The following AASDH variants were observed in gnomAD, a reference collection of about 807,000 sequenced individuals.
The protein encoded by AASDH is beta-alanine-activating enzyme.
AASDH carries 81 observed loss-of-function variants against 102.3 expected under a neutral mutation model. That is an observed-to-expected ratio of 0.79 (90% confidence interval 0.66 to 0.95). The LOEUF (loss-of-function observed/expected upper bound fraction) is 0.95. AASDH is among the 40% of genes least tolerant of loss of function. The pLI is 0.00. For synonymous variants in AASDH, 398 were observed against 454.0 expected, an observed-to-expected ratio of 0.88 and a Z score of 1.57; for missense variants, 1,203 against 1,266.2, an observed-to-expected ratio of 0.95 and a Z score of 0.76.
chr4:56,343,102 T>C, intron 13 of AASDH, 136 bp from the exon 14 acceptor site: 1 of 779,760 alleles, frequency 1.3e-6, no homozygotes, highest in Non-Finnish European at 1.8e-6. Context: ...CAGACATAAA[T>C]GAAGCTGGTA....
At chr4:56,344,968 G>T (rs1748153397) in intron 12 of AASDH, among the ~76,000 whole-genome samples, 159 bp downstream of exon 12, 1 of 138,466 alleles carries the variant, frequency 7.2e-6, no homozygotes, top group African/African-American at 2.7e-5. Context: ...TTGAGATAGA[G>T]TCTCACTCTG....
At chr4:56,369,889 G>A (rs1166234136) in intron 5 of AASDH, among the ~76,000 whole-genome samples, 6 of 150,386 alleles carry the variant, frequency 4.0e-5, no homozygotes, top group East Asian at 2.0e-4. Flanking sequence ...GCAGTGAGCC[G>A]AGGTCATACC....
chr4:56,342,393 A>ATATCACAT (rs956843909), intron 14 of AASDH, among the ~76,000 whole-genome samples: 13 of 152,314 alleles, frequency 8.5e-5, no homozygotes, highest in African/African-American at 3.1e-4. Context: ...TTGTAACAAA[A>ATATCACAT]TATCACATAC....
chr4:56,345,376 A>T, intron 11 of AASDH, 86 bp from the exon 12 acceptor site: 2 of 1,292,596 alleles, frequency 1.5e-6, no homozygotes, highest in Non-Finnish European at 2.1e-6. Flanking sequence ...ATTTATATTC[A>T]GTCCTCCTCT....
intron 9 of AASDH, 89 bp downstream of exon 9, chr4:56,353,315 A>C: frequency 8.9e-7 from 1 of 1,118,046 alleles, no homozygotes; most frequent in Non-Finnish European, 1.2e-6. Context: ...ACCATTTATA[A>C]AAATAAAGAT....
At chr4:56,371,325 G>T in intron 5 of AASDH, 126 bp downstream of exon 5, 1 of 951,438 alleles carries the variant, frequency 1.1e-6, no homozygotes. Flanking sequence ...TGAGGAGACG[G>T]CCCTTGATAA....
chr4:56,380,417 A>T (rs1197812488), intron 3 of AASDH, among the ~76,000 whole-genome samples: 1 of 152,216 alleles, frequency 6.6e-6, no homozygotes, highest in Non-Finnish European at 1.5e-5. Flanking sequence ...AAAGGTCACA[A>T]CCCAGAAGCC....
intron 4 of AASDH, 149 bp downstream of exon 4, chr4:56,377,999 T>C (rs1752545415): frequency 2.7e-6 from 2 of 730,344 alleles, no homozygotes; most frequent in Non-Finnish European, 4.3e-6. Context: ...TAGAGACAGC[T>C]TTCACCATGT....
At chr4:56,344,043 A>G (rs1748034778) in intron 12 of AASDH, among the ~76,000 whole-genome samples, 1 of 152,218 alleles carries the variant, frequency 6.6e-6, no homozygotes, top group Non-Finnish European at 1.5e-5. Context: ...TGATTTAAAT[A>G]TAATTTTAAT....
At chr4:56,357,102 T>C (rs941850632) in intron 5 of AASDH, among the ~76,000 whole-genome samples, 1 of 152,228 alleles carries the variant, frequency 6.6e-6, no homozygotes, top group African/African-American at 2.4e-5. Context: ...ATATGTTTTA[T>C]GTATATACTA....
intron 5 of AASDH, among the ~76,000 whole-genome samples, chr4:56,366,558 G>C (rs1336625441): frequency 1.3e-5 from 2 of 152,182 alleles, no homozygotes; most frequent in African/African-American, 4.8e-5. Flanking sequence ...ATGCAAGCCT[G>C]GTTCAATATA....
intron 4 of AASDH, among the ~76,000 whole-genome samples, chr4:56,373,330 C>T (rs1334869407): frequency 1.3e-5 from 2 of 152,022 alleles, no homozygotes; most frequent in African/African-American, 4.8e-5. Context: ...TTAGTAGAGA[C>T]TGGGTTTCAA....
In AASDH at chr4:56,349,315, A is replaced by G; in HGVS notation, c.2436T>C (p.Asp812=). The change falls in exon 11 of 15, where the codon GAT becomes GAC. Residue 812 remains aspartate, a synonymous_variant. Coordinates refer to ENST00000205214, the MANE Select transcript of AASDH (RefSeq NM_181806.4). ...GKVKWEQILG[D]RIESSACVSK... The stretch of plus-strand genomic sequence containing the variant: ...ATACACATGCTGAGGATTCAATTCG[A>G]TCTCCCAAAATCTGTTCCCATTTTA... The G allele has an allele frequency of 1.2e-6, 2 of 1,614,200 alleles. No homozygotes were observed. The highest frequency in any genetic ancestry group is 1.7e-6 in the Non-Finnish European group (2 of 1,180,040).
At position 56,340,379 on chromosome 4, in the gene AASDH, G is replaced by A. The variant is rs149691720; in HGVS notation, c.2908-1588C>T. ...CTAGAAATAAATCCACGTAGTTACA[G>A]CCAATGGAGTTTTGAGAAAGATGTC... On this transcript the variant is annotated intron_variant, in intron 14 of 14. Coordinates refer to ENST00000205214, the MANE Select transcript of AASDH (RefSeq NM_181806.4). 2.4e-4 allele frequency among the ~76,000 whole-genome samples: 36 copies of A among 152,300 alleles called. No individual in the cohort carries two copies. In the East Asian group the frequency reaches 6.9e-3, roughly 29 times the overall value.
At chr4:56,374,156 G>T (rs1267164823) in intron 4 of AASDH, among the ~76,000 whole-genome samples, 2 of 152,096 alleles carry the variant, frequency 1.3e-5, no homozygotes, top group African/African-American at 4.8e-5. Context: ...AAGGTGGGCA[G>T]ATACTTGAGG....
chr4:56,371,440 C>G lies in AASDH; in HGVS notation c.861+11G>C. The G allele has an allele frequency of 6.3e-7, 1 of 1,584,702 alleles. No homozygotes were observed. The highest frequency in any genetic ancestry group is 1.4e-5 in the African/African-American group (1 of 73,130). On this transcript the variant is annotated intron_variant, in intron 5 of 14. Coordinates refer to ENST00000205214, the MANE Select transcript of AASDH (RefSeq NM_181806.4). Reference sequence around the variant, plus strand: ...ATGATAAACAAAACGTTCATTGCTACTAAAATGTACCTGCAAAACAGTCAC... The same window carrying G: ...ATGATAAACAAAACGTTCATTGCTAGTAAAATGTACCTGCAAAACAGTCAC...
At chr4:56,354,969 A>C (rs1345332179) in intron 6 of AASDH, among the ~76,000 whole-genome samples, 158 bp from the exon 7 acceptor site, 1 of 152,208 alleles carries the variant, frequency 6.6e-6, no homozygotes, top group African/African-American at 2.4e-5. Flanking sequence ...AAAGGTAACC[A>C]TATATGTTAT....
At chr4:56,352,560 A>AT (rs1749134172) in intron 9 of AASDH, among the ~76,000 whole-genome samples, 1 of 152,064 alleles carries the variant, frequency 6.6e-6, no homozygotes, top group South Asian at 2.1e-4. Flanking sequence ...CAATCAGCTA[A>AT]TTTTTTTGTA....
Position 56,373,265 on chromosome 4 carries a change from G to A in AASDH, c.669-1622C>T, listed in dbSNP as rs547152144. Among the ~76,000 whole-genome samples, 15 of 152,044 alleles carry A rather than the reference G, an allele frequency of 9.9e-5. No homozygotes were observed. In the South Asian group the frequency reaches 2.9e-3, roughly 30 times the overall value. ...AGCGATTCTCCTGCCTCAGCTTCCC[G>A]AGTAGCTGGGATTACAGGCATGCAC... On this transcript the variant is annotated intron_variant, in intron 4 of 14. Transcript: ENST00000205214.
Sources: gnomAD v4.1 joint callset for allele counts (sites outside exome capture counted in the v4.1 genomes callset) on GRCh38, gnomAD v4.1.1 for gene constraint, MANE v1.5 for transcripts, NCBI Gene and HGNC (gene_info 2026-07-23, HGNC 2026-07-21) for gene names.